The following BTBD9 variants were observed in gnomAD, a reference collection of about 807,000 sequenced individuals.
BTBD9 encodes the protein BTB domain containing 9.
Under a neutral mutation model 64.3 loss-of-function variants are expected in BTBD9, and 49 were observed. The observed-to-expected ratio is 0.76, with a 90% CI of 0.61 to 0.97. The LOEUF (loss-of-function observed/expected upper bound fraction) is 0.97. BTBD9 is among the 50% of genes least tolerant of loss of function. The pLI, the probability that BTBD9 is intolerant of heterozygous loss-of-function variation, is 0.00. For missense variants in BTBD9, 598 were observed against 762.1 expected (o/e 0.78, Z 2.53); for synonymous variants, 260 against 274.7 (o/e 0.95, Z 0.53).
intron 8 of BTBD9, among the ~76,000 whole-genome samples, chr6:38,261,988 GAA>G (rs1764809084): frequency 6.6e-6 from 1 of 152,140 alleles, no homozygotes; most frequent in Non-Finnish European, 1.5e-5. Flanking sequence ...TGATTTGACT[GAA>G]AAAAGCAACT....
intron 8 of BTBD9, among the ~76,000 whole-genome samples, chr6:38,269,458 T>C (rs1204462146): frequency 6.6e-6 from 1 of 152,196 alleles, no homozygotes; most frequent in Non-Finnish European, 1.5e-5. Context: ...TTGATCCAGG[T>C]CTTCAAAGCT....
At position 38,181,974 on chromosome 6, in the gene BTBD9, G is replaced by A. The variant is rs144948064; in HGVS notation, c.1642-6792C>T. On this transcript the variant is annotated intron_variant, in intron 10 of 10. Coordinates refer to ENST00000481247, the MANE Select transcript of BTBD9 (RefSeq NM_001099272.2). ...CTGCACTCCAGCCGGGAGACAGAGC[G>A]AGACTCTGTCTCAAAGACAAACAAA... Among the ~76,000 whole-genome samples the A allele has an allele frequency of 1.3e-3, 192 of 151,868 alleles. 1 individual carries two copies. The highest frequency in any genetic ancestry group is 4.1e-3 in the African/African-American group (170 of 41,336).
intron 1 of BTBD9, among the ~76,000 whole-genome samples, chr6:38,605,731 T>C (rs1461841911): frequency 6.6e-6 from 1 of 152,142 alleles, no homozygotes; most frequent in South Asian, 2.1e-4. Context: ...AGCAGGAGGA[T>C]TGCTTGAGCC....
intron 6 of BTBD9, among the ~76,000 whole-genome samples, chr6:38,437,792 G>C (rs1768807263): frequency 6.6e-6 from 1 of 152,142 alleles, no homozygotes; most frequent in African/African-American, 2.4e-5. Flanking sequence ...GCAGGGGACA[G>C]TGTTCAAATA....
chr6:38,434,741 G>C (rs1192524704), intron 6 of BTBD9, among the ~76,000 whole-genome samples: 1 of 151,954 alleles, frequency 6.6e-6, no homozygotes, highest in Admixed American at 6.5e-5. Context: ...CCTAGTAGTA[G>C]TCTATCATGC....
chr6:38,594,409 T>C, intron 2 of BTBD9, 82 bp from the exon 3 acceptor site: 2 of 1,436,692 alleles, frequency 1.4e-6, no homozygotes, highest in South Asian at 1.5e-5. Flanking sequence ...TTATCAACAT[T>C]ATGCAAATAT....
chr6:38,466,187 T>C (rs936812147), intron 6 of BTBD9, among the ~76,000 whole-genome samples: 5 of 151,952 alleles, frequency 3.3e-5, no homozygotes, highest in Non-Finnish European at 4.4e-5. Flanking sequence ...AAGTTGTTCA[T>C]AGTACTCTTT....
Position 38,192,521 on chromosome 6 carries a change from C to A in BTBD9, c.1639G>T (p.Glu547Ter). The A allele has an allele frequency of 3.1e-6, 5 of 1,613,402 alleles. No individual in the cohort carries two copies. The highest frequency in any genetic ancestry group is 4.2e-6 in the Non-Finnish European group (5 of 1,179,550). The stretch of plus-strand genomic sequence containing the variant: ...CTCTCATGAAAAGAGACCCTTACCT[C>A]ATTTGCTGTGTTGTGTGTCCCAACG... ...RIVGTHNTAN[E>*]VFHCVHFECP... The change falls in exon 10 of 11, where the codon GAG becomes TAG. Residue 547 changes from glutamate to a stop codon, truncating the protein, a stop_gained and splice_region_variant. Transcript: ENST00000481247. LOFTEE classifies it high-confidence loss of function.
rs1582697187 is a variant in BTBD9 at position 38,598,232 on chromosome 6, A to T, written c.-27-111T>A. 21 of 772,798 alleles carry T rather than the reference A, an allele frequency of 2.7e-5. 1 individual carries two copies. The East Asian group carries it at 5.7e-4, about 21-fold the overall frequency. 47.9% of individuals were successfully genotyped at this position (772,798 alleles called of 1,614,324 possible). On this transcript the variant is annotated intron_variant, in intron 1 of 10. Transcript: ENST00000481247. Reference sequence around the variant, plus strand: ...ATTTAAAGTGCTTAGAAAAATTCCTATGAGAGAGTTAATCAATGGTATCCT... The same window carrying T: ...ATTTAAAGTGCTTAGAAAAATTCCTTTGAGAGAGTTAATCAATGGTATCCT...
intron 1 of BTBD9, among the ~76,000 whole-genome samples, chr6:38,626,637 C>G (rs1256943431): frequency 6.6e-6 from 1 of 152,176 alleles, no homozygotes; most frequent in Non-Finnish European, 1.5e-5. Context: ...AGGAGCCACA[C>G]CATACTCGAA....
At chr6:38,337,979 G>A (rs1328711971) in intron 7 of BTBD9, among the ~76,000 whole-genome samples, 25 of 152,118 alleles carry the variant, frequency 1.6e-4, no homozygotes, top group Admixed American at 1.3e-4. Flanking sequence ...TATGGACTCC[G>A]GTGTTTCTGT....
chr6:38,346,401 C>A (rs986562161), intron 6 of BTBD9, among the ~76,000 whole-genome samples: 34 of 152,132 alleles, frequency 2.2e-4, no homozygotes, highest in African/African-American at 8.2e-4. Flanking sequence ...TGCTCCTTGA[C>A]ATAAGCTGAT....
intron 10 of BTBD9, among the ~76,000 whole-genome samples, chr6:38,191,015 C>T (rs1561852440): frequency 1.3e-5 from 2 of 152,150 alleles, no homozygotes; most frequent in African/African-American, 2.4e-5. Context: ...AAATGAAAAA[C>T]AGTTAATTCG....
intron 9 of BTBD9, among the ~76,000 whole-genome samples, chr6:38,250,066 C>T (rs12190288): frequency 0.37 from 56,321 of 151,986 alleles, 11,345 homozygotes; most frequent in Non-Finnish European, 0.45. Flanking sequence ...TTGCTTATAA[C>T]GCAGCAGACA....
At chr6:38,335,298 A>G (rs555958569) in intron 7 of BTBD9, among the ~76,000 whole-genome samples, 44 of 149,522 alleles carry the variant, frequency 2.9e-4, no homozygotes, top group African/African-American at 1.1e-3. Flanking sequence ...TGTTGGCCAG[A>G]CCGGAGTGCA....
rs1048347487 is a variant in BTBD9 at position 38,374,259 on chromosome 6, G to A, written c.1155-29166C>T. Among the ~76,000 whole-genome samples the A allele has an allele frequency of 2.5e-4, 18 of 71,696 alleles. 1 individual carries two copies. In the East Asian group the frequency reaches 5.5e-3, roughly 22 times the overall value. 47.0% of individuals were successfully genotyped at this position (71,696 alleles called of 152,430 possible). On this transcript the variant is annotated intron_variant, in intron 6 of 10. Coordinates refer to ENST00000481247, the MANE Select transcript of BTBD9 (RefSeq NM_001099272.2). ...ACTCCAGCCTGGGCGACAGAGTGAGGCCTTGTGTCGAAAAAAAAAAAAAGT... is the reference window on the plus strand; with the variant it reads ...ACTCCAGCCTGGGCGACAGAGTGAGACCTTGTGTCGAAAAAAAAAAAAAGT...
At chr6:38,377,299 A>T (rs1474971892) in intron 6 of BTBD9, among the ~76,000 whole-genome samples, 1 of 152,190 alleles carries the variant, frequency 6.6e-6, no homozygotes, top group African/African-American at 2.4e-5. Context: ...CACAGCAAGG[A>T]AGCTACTCTG....
intron 6 of BTBD9, among the ~76,000 whole-genome samples, chr6:38,349,531 A>G (rs572502262): frequency 6.6e-6 from 1 of 152,202 alleles, no homozygotes; most frequent in South Asian, 2.1e-4. Flanking sequence ...ATATTGTTAT[A>G]ATTGTTCTAT....
intron 10 of BTBD9, among the ~76,000 whole-genome samples, chr6:38,186,875 T>C (rs548886271): frequency 7.2e-5 from 11 of 152,186 alleles, no homozygotes; most frequent in Non-Finnish European, 1.2e-4. Flanking sequence ...CCCTCAAGAC[T>C]GCTTGTGGGC....
Sources: gnomAD v4.1 joint callset for allele counts (sites outside exome capture counted in the v4.1 genomes callset) on GRCh38, gnomAD v4.1.1 for gene constraint, MANE v1.5 for transcripts, NCBI Gene and HGNC (gene_info 2026-07-23, HGNC 2026-07-21) for gene names.